Variants in CASP5 observed in about 807,000 individuals in gnomAD.
CASP5 encodes caspase-5.
A neutral mutation model predicts 45.2 loss-of-function variants in CASP5; 42 were observed. The observed-to-expected ratio is 0.93, with a 90% CI of 0.73 to 1.20. The LOEUF is 1.20. Among genes scored for constraint, CASP5 ranks in the 50% most tolerant of loss-of-function variants. The pLI is 0.00. For missense variants in CASP5, 512 were observed against 532.2 expected, an observed-to-expected ratio of 0.96 and a Z score of 0.37; for synonymous variants, 209 against 186.2, an observed-to-expected ratio of 1.12 and a Z score of -1.00.
Position 105,007,145 on chromosome 11 carries a change from ACGCGATTCTTT to A in CASP5, c.360_370del (p.Lys121GlyfsTer31). On this transcript the variant is annotated frameshift_variant, in exon 3 of 10. Coordinates refer to ENST00000260315, the MANE Select transcript of CASP5 (RefSeq NM_004347.5). LOFTEE classifies it high-confidence loss of function. ...TGTTTGGGTAAACATTTGATGAGCC[ACGCGATTCTTT>A]CGCAAAGAGTCTACCAAGATCAGGG... is the stretch of plus-strand genomic sequence containing the variant. 1.9e-6 allele frequency: 3 copies of A among 1,613,770 alleles called. No homozygotes were observed. The highest frequency in any genetic ancestry group is 2.5e-6 in the Non-Finnish European group (3 of 1,179,702).
In CASP5 at chr11:104,999,048, CTT is replaced by C; in HGVS notation, c.953-22_953-21del. 3.5e-6 allele frequency: 5 copies of C among 1,409,722 alleles called. No homozygotes were observed. Among genetic ancestry groups the C allele is most frequent in the Admixed American group, 2.3e-5 (1 of 43,476 alleles). The allele number at this position is 1,409,722 out of a possible 1,614,324, so 87.3% of individuals were successfully genotyped here. The stretch of plus-strand genomic sequence containing the variant: ...GTTTTTCTGTAGAGACATCAACTTT[CTT>C]TTTTTTTTATGTTACTTTAAGTTCC... On this transcript the variant is annotated intron_variant, in intron 6 of 9. Coordinates refer to ENST00000260315, the MANE Select transcript of CASP5 (RefSeq NM_004347.5).
chr11:105,007,384 TC>T (rs1862063766), intron 2 of CASP5, 50 bp from the exon 3 acceptor site: 1 of 1,535,838 alleles, frequency 6.5e-7, no homozygotes, highest in South Asian at 1.2e-5. Flanking sequence ...CTTAAAGAGT[TC>T]TGCCTTCACC....
At chr11:105,009,704 GATATATATATACACACAT>G (rs1862174712) in intron 1 of CASP5, among the ~76,000 whole-genome samples, 1 of 98,480 alleles carries the variant, frequency 1.0e-5, no homozygotes. Flanking sequence ...TTTACCAGGA[GATATATATATACACACAT>G]ATATATATAT....
rs760427468 is a variant in CASP5, at chr11:105,009,038, T to G, written c.8-58A>C. 2.2e-5 allele frequency: 34 copies of G among 1,525,666 alleles called. No homozygotes were observed. In the Admixed American group the frequency reaches 5.8e-4, roughly 26 times the overall value. 94.5% of individuals were successfully genotyped at this position (1,525,666 alleles called of 1,614,324 possible). A position where few individuals can be genotyped will look rare whatever the true frequency, so the allele number is the denominator to read the frequency against. ...GGCACAGCTTAAAGAGTTTTGCCCT[T>G]GCTTTAGACAAAGCTCTGTAATGTG... On this transcript the variant is annotated intron_variant, in intron 1 of 9. Coordinates refer to ENST00000260315, the MANE Select transcript of CASP5 (RefSeq NM_004347.5).
chr11:105,018,706 G>A (rs1312632307), intron 1 of CASP5, among the ~76,000 whole-genome samples: 4 of 145,186 alleles, frequency 2.8e-5, no homozygotes, highest in Non-Finnish European at 6.0e-5. Context: ...ATTAATAATG[G>A]GAGACTTTAA....
chr11:104,999,150 A>G (rs1395246461), intron 6 of CASP5, 122 bp from the exon 7 acceptor site: 11 of 809,576 alleles, frequency 1.4e-5, no homozygotes, highest in African/African-American at 6.9e-5. Flanking sequence ...CACCTATCAT[A>G]TAGGTTTTAA....
intron 3 of CASP5, among the ~76,000 whole-genome samples, chr11:105,003,749 C>G (rs891522470): frequency 6.6e-6 from 1 of 151,918 alleles, no homozygotes; most frequent in African/African-American, 2.4e-5. Flanking sequence ...TGTGTCTGGG[C>G]AAGAGTGTGC....
intron 8 of CASP5, among the ~76,000 whole-genome samples, chr11:104,996,610 A>G (rs1021233990): frequency 6.6e-6 from 1 of 152,206 alleles, no homozygotes; most frequent in Non-Finnish European, 1.5e-5. Context: ...TTATCTATTC[A>G]TTCATGCATC....
chr11:105,013,488 T>G (rs76790119), intron 1 of CASP5, among the ~76,000 whole-genome samples: 8,719 of 152,128 alleles, frequency 0.057, 248 homozygotes, highest in African/African-American at 0.065. Flanking sequence ...CAATATATAT[T>G]TCAAACATCA....
chr11:105,016,846 G>C (rs1405857836), intron 1 of CASP5, among the ~76,000 whole-genome samples: 2 of 151,420 alleles, frequency 1.3e-5, no homozygotes, highest in Admixed American at 6.6e-5. Context: ...CTCCACCTCT[G>C]GGGGCAGGGC....
At chr11:105,000,900 T>C (rs557741313) in intron 5 of CASP5, among the ~76,000 whole-genome samples, 1 of 152,320 alleles carries the variant, frequency 6.6e-6, no homozygotes, top group South Asian at 2.1e-4. Flanking sequence ...CTGACCATAC[T>C]CATCCTTATA....
At chr11:105,016,888 G>C (rs1326156656) in intron 1 of CASP5, among the ~76,000 whole-genome samples, 1 of 151,600 alleles carries the variant, frequency 6.6e-6, no homozygotes, top group Non-Finnish European at 1.5e-5. Flanking sequence ...AGTAACCTCT[G>C]CAGACTTAAA....
intron 1 of CASP5, among the ~76,000 whole-genome samples, chr11:105,021,324 T>G (rs1330024977): frequency 6.9e-6 from 1 of 144,876 alleles, no homozygotes; most frequent in Non-Finnish European, 1.5e-5. Context: ...CTAATTAAAC[T>G]AAAGAGCTTC....
In CASP5 at chr11:105,000,285, T is replaced by A. The variant is rs556725713; in HGVS notation, c.928A>T (p.Ile310Phe). ...CLSLKDKPKV[I>F]IVQACRGEKH... ...CCACCTCTGCAGGCCTGGACAATGA[T>A]GACCTTGGGTTTGTCCTTTAGACTG... Residue 310 changes from isoleucine to phenylalanine, a missense_variant, in exon 6 of 10, where the codon ATC (isoleucine) becomes TTC (phenylalanine). Physicochemically the swap from Ile to Phe is conservative, Grantham distance 21. Transcript: ENST00000260315. 1.2e-6 allele frequency: 2 copies of A among 1,614,224 alleles called. No homozygotes were observed. The highest frequency in any genetic ancestry group is 4.5e-5 in the East Asian group (2 of 44,888).
chr11:105,016,991 C>T, intron 1 of CASP5, among the ~76,000 whole-genome samples: 1 of 148,284 alleles, frequency 6.7e-6, no homozygotes, highest in East Asian at 1.9e-4. Context: ...CAAGTGGGTC[C>T]CTGACTCCTG....
At chr11:104,994,893 A>G (rs1403436383) in intron 9 of CASP5, among the ~76,000 whole-genome samples, 1 of 152,318 alleles carries the variant, frequency 6.6e-6, no homozygotes, top group South Asian at 2.1e-4. Flanking sequence ...ATAGTTGAGC[A>G]TGTATTTTCT....
intron 7 of CASP5, among the ~76,000 whole-genome samples, chr11:104,998,373 G>C (rs3181180): frequency 0.032 from 4,838 of 152,206 alleles, 223 homozygotes; most frequent in African/African-American, 0.1. Flanking sequence ...CCTGTAATTA[G>C]ACCTAATTAG....
At chr11:105,001,207 C>T (rs1175232736) in intron 5 of CASP5, among the ~76,000 whole-genome samples, 2 of 152,214 alleles carry the variant, frequency 1.3e-5, no homozygotes, top group East Asian at 3.8e-4. Flanking sequence ...GACACATACA[C>T]ACACTCATTA....
intron 1 of CASP5, among the ~76,000 whole-genome samples, chr11:105,020,746 C>T (rs1862909463): frequency 1.3e-5 from 2 of 151,490 alleles, no homozygotes; most frequent in South Asian, 2.1e-4. Context: ...AGATAATTTA[C>T]AGATTCAATG....
Sources: allele counts gnomAD v4.1 joint callset (sites outside exome capture counted in the v4.1 genomes callset), GRCh38; gene constraint gnomAD v4.1.1; transcripts MANE v1.5; gene names NCBI Gene and HGNC (gene_info 2026-07-23, HGNC 2026-07-21).